TACR3: variants seen among roughly 807,000 people sequenced by gnomAD.
The protein encoded by TACR3 is neuromedin-K receptor.
TACR3 carries 34 observed loss-of-function variants against 35.0 expected under a neutral mutation model. The ratio of observed to expected loss-of-function variants is 0.97; its 90% confidence interval spans 0.74 to 1.30. The LOEUF (loss-of-function observed/expected upper bound fraction) is 1.30. Among genes scored for constraint, TACR3 ranks in the 50% most tolerant of loss-of-function variants. The pLI is 0.00. For synonymous variants in TACR3, 233 were observed against 221.1 expected (o/e 1.05, Z -0.48); for missense variants, 558 against 591.7 (o/e 0.94, Z 0.59).
intron 3 of TACR3, among the ~76,000 whole-genome samples, chr4:103,648,867 TG>T (rs772755903): frequency 4.6e-5 from 7 of 152,146 alleles, no homozygotes; most frequent in Non-Finnish European, 8.8e-5. Flanking sequence ...ACTTCCAAAC[TG>T]TTCTCCATAG....
chr4:103,717,921 G>C (rs530984925), intron 1 of TACR3, among the ~76,000 whole-genome samples: 5 of 152,080 alleles, frequency 3.3e-5, no homozygotes, highest in South Asian at 4.2e-4. Flanking sequence ...GATTTTAGAG[G>C]CTTTTTAAAA....
intron 1 of TACR3, among the ~76,000 whole-genome samples, chr4:103,706,255 C>T (rs1722785294): frequency 6.6e-6 from 1 of 152,046 alleles, no homozygotes; most frequent in Admixed American, 6.5e-5. Context: ...AAGGAGGTAA[C>T]TGAGTATACA....
chr4:103,682,603 G>A (rs1400590127), intron 1 of TACR3, among the ~76,000 whole-genome samples: 1 of 152,116 alleles, frequency 6.6e-6, no homozygotes, highest in Non-Finnish European at 1.5e-5. Flanking sequence ...AATTTGAGGT[G>A]AGATTTGGGT....
intron 1 of TACR3, among the ~76,000 whole-genome samples, chr4:103,690,446 C>G (rs912171443): frequency 2.6e-5 from 4 of 152,030 alleles, no homozygotes; most frequent in Non-Finnish European, 4.4e-5. Context: ...GATACAGACA[C>G]AAACATATAT....
At chr4:103,665,789 AC>A (rs1369824721) in intron 1 of TACR3, among the ~76,000 whole-genome samples, 1 of 152,166 alleles carries the variant, frequency 6.6e-6, no homozygotes, top group Non-Finnish European at 1.5e-5. Context: ...TTTTAAAGTT[AC>A]CAATCTGACT....
At chr4:103,638,706 C>A (rs1396071579) in intron 3 of TACR3, among the ~76,000 whole-genome samples, 13 of 152,090 alleles carry the variant, frequency 8.5e-5, no homozygotes, top group African/African-American at 1.9e-4. Context: ...CAAAGGGCTA[C>A]TATCCAGAAT....
At chr4:103,604,474 A>G (rs1241961957) in intron 3 of TACR3, among the ~76,000 whole-genome samples, 2 of 152,130 alleles carry the variant, frequency 1.3e-5, no homozygotes, top group African/African-American at 4.8e-5. Context: ...CAGGATGTAG[A>G]CATGAGAAAA....
intron 3 of TACR3, among the ~76,000 whole-genome samples, chr4:103,601,612 C>A (rs571999865): frequency 2.6e-5 from 4 of 152,228 alleles, no homozygotes; most frequent in African/African-American, 7.2e-5. Flanking sequence ...ATTAGCTTGT[C>A]TGTAGAGGAT....
At chr4:103,609,341 T>C (rs886331299) in intron 3 of TACR3, among the ~76,000 whole-genome samples, 7 of 152,274 alleles carry the variant, frequency 4.6e-5, no homozygotes, top group Middle Eastern at 3.4e-3. Flanking sequence ...ATTCAAAATA[T>C]ATGTTATAGA....
intron 1 of TACR3, among the ~76,000 whole-genome samples, chr4:103,704,111 A>C (rs1472378411): frequency 1.0e-5 from 1 of 99,690 alleles, no homozygotes; most frequent in Non-Finnish European, 1.7e-5. Flanking sequence ...CTCACAAAAA[A>C]AAAAAAAAAA....
intron 3 of TACR3, among the ~76,000 whole-genome samples, chr4:103,630,754 A>G (rs923460945): frequency 2.0e-5 from 3 of 152,192 alleles, no homozygotes; most frequent in Non-Finnish European, 4.4e-5. Context: ...TAGTTCAACC[A>G]TTGTGGAAGA....
At chr4:103,617,308 A>G (rs976879953) in intron 3 of TACR3, among the ~76,000 whole-genome samples, 1 of 152,114 alleles carries the variant, frequency 6.6e-6, no homozygotes, top group Non-Finnish European at 1.5e-5. Flanking sequence ...GTATTTAAAG[A>G]AAGAGAGAAG....
intron 3 of TACR3, among the ~76,000 whole-genome samples, chr4:103,646,344 T>G (rs1725454246): frequency 6.6e-6 from 1 of 152,054 alleles, no homozygotes; most frequent in Non-Finnish European, 1.5e-5. Context: ...CAGTAGGAAT[T>G]TTTAATAAAT....
rs1398800220 is a variant in TACR3, at chr4:103,587,009, A to G, written c.*2673T>C. 6.6e-6 allele frequency: 1 copy of G among 152,034 alleles called. No homozygotes were observed. Among genetic ancestry groups the G allele is most frequent in the Non-Finnish European group, 1.5e-5 (1 of 68,010 alleles). The allele number at this position is 152,034 out of a possible 1,614,324, so 9.4% of individuals were successfully genotyped here. A position where few individuals can be genotyped will look rare whatever the true frequency, so the allele number is the denominator to read the frequency against. ...TAAGTAAAAAAACCTGGGCTGTTTT[A>G]ACCATCTGCCTAGTAGTCTGAGCCA... On this transcript the variant is annotated 3_prime_UTR_variant, in exon 5 of 5. Coordinates refer to ENST00000304883, the MANE Select transcript of TACR3 (RefSeq NM_001059.3).
At chr4:103,685,757 C>A (rs1420814447) in intron 1 of TACR3, among the ~76,000 whole-genome samples, 5 of 152,106 alleles carry the variant, frequency 3.3e-5, no homozygotes, top group Non-Finnish European at 7.3e-5. Context: ...TATTGAAAGT[C>A]TCTGAAAATT....
intron 3 of TACR3, among the ~76,000 whole-genome samples, chr4:103,655,001 AT>A (rs1385307861): frequency 3.9e-5 from 6 of 152,138 alleles, no homozygotes; most frequent in Non-Finnish European, 4.4e-5. Context: ...TGTGCACATT[AT>A]TTTTAAGTAA....
intron 1 of TACR3, among the ~76,000 whole-genome samples, chr4:103,688,949 C>T (rs979813798): frequency 2.2e-4 from 33 of 151,974 alleles, no homozygotes; most frequent in Non-Finnish European, 1.3e-4. Flanking sequence ...CACATGCACG[C>T]GTATGTTTAT....
At position 103,652,248 on chromosome 4, in the gene TACR3, G is replaced by A. The variant is rs539956871; in HGVS notation, c.888+3946C>T. On this transcript the variant is annotated intron_variant, in intron 3 of 4. Coordinates refer to ENST00000304883, the MANE Select transcript of TACR3 (RefSeq NM_001059.3). The stretch of plus-strand genomic sequence containing the variant: ...ACTTTAGCCCACTGTGGTGAGGCGT[G>A]GGAGAACTCAACTTCTGACCCGTGG... 2.6e-5 allele frequency among the ~76,000 whole-genome samples: 4 copies of A among 152,258 alleles called. No homozygotes were observed. The South Asian group carries it at 8.3e-4, about 32-fold the overall frequency.
intron 3 of TACR3, among the ~76,000 whole-genome samples, chr4:103,616,992 C>A (rs781506875): frequency 5.3e-5 from 8 of 152,114 alleles, no homozygotes; most frequent in Non-Finnish European, 1.0e-4. Context: ...CAGACCTCCA[C>A]AAATCTGAGA....
Sources: allele counts gnomAD v4.1 joint callset (sites outside exome capture counted in the v4.1 genomes callset), GRCh38; gene constraint gnomAD v4.1.1; transcripts MANE v1.5; gene names NCBI Gene and HGNC (gene_info 2026-07-23, HGNC 2026-07-21).